Variants in PRDM16 observed in about 807,000 individuals in gnomAD.
PRDM16 encodes histone-lysine N-methyltransferase PRDM16.
In PRDM16, 23 loss-of-function variants were observed where a neutral mutation model predicts 110.6. The ratio of observed to expected loss-of-function variants is 0.21; its 90% CI spans 0.15 to 0.29. The LOEUF (loss-of-function observed/expected upper bound fraction) is 0.29. PRDM16 is among the 10% of genes least tolerant of loss of function. The pLI is 1.00. For synonymous variants in PRDM16, 799 were observed against 781.8 expected, an observed-to-expected ratio of 1.02 and a Z score of -0.37; for missense variants, 1,615 against 1,794.3, an observed-to-expected ratio of 0.90 and a Z score of 1.81.
At chr1:3,228,114 G>A (rs187500932) in intron 2 of PRDM16, among the ~76,000 whole-genome samples, 1 of 152,386 alleles carries the variant, frequency 6.6e-6, no homozygotes, top group African/African-American at 2.4e-5. Flanking sequence ...GATTGAGTGT[G>A]CGGGGGTCCT....
intron 1 of PRDM16, among the ~76,000 whole-genome samples, chr1:3,139,541 G>T (rs372298141): frequency 6.6e-6 from 1 of 152,268 alleles, no homozygotes; most frequent in Non-Finnish European, 1.5e-5. Context: ...TGCCGCATCC[G>T]GGGGTGCTCG....
At chr1:3,154,551 C>T (rs207198) in intron 1 of PRDM16, among the ~76,000 whole-genome samples, 2,153 of 152,312 alleles carry the variant, frequency 0.014, 50 homozygotes, top group African/African-American at 0.048. Context: ...ACCTCCTGCC[C>T]CCATGGCCCT....
Position 3,412,745 on chromosome 1 carries a change from C to A in PRDM16, c.2548C>A (p.Gln850Lys). ...PQVCPARMPQQPPLHYAKPSP... is the reference protein window; with the variant it reads ...PQVCPARMPQKPPLHYAKPSP... ...GGTGTGCCCGGCGCGGATGCCCCAG[C>A]AGCCCCCGCTCCACTACGCCAAGCC... The change falls in exon 9 of 17, where the codon CAG becomes AAG. Residue 850 changes from glutamine to lysine, a missense_variant. Transcript: ENST00000270722. 6.6e-7 allele frequency: 1 copy of A among 1,505,014 alleles called. No homozygotes were observed. 93.2% of individuals were successfully genotyped at this position (1,505,014 alleles called of 1,614,324 possible).
intron 2 of PRDM16, among the ~76,000 whole-genome samples, chr1:3,237,261 A>T (rs1237091938): frequency 1.3e-5 from 2 of 151,046 alleles, no homozygotes; most frequent in African/African-American, 2.4e-5. Flanking sequence ...CAGGCTTCCC[A>T]ACCCCAGGGC....
chr1:3,150,450 T>G (rs567194493), intron 1 of PRDM16, among the ~76,000 whole-genome samples: 18 of 150,618 alleles, frequency 1.2e-4, no homozygotes, highest in African/African-American at 4.2e-4. Flanking sequence ...TCCCAGCTAA[T>G]TGGGAGGTAA....
intron 2 of PRDM16, among the ~76,000 whole-genome samples, chr1:3,215,579 G>T (rs534209825): frequency 6.6e-6 from 1 of 152,118 alleles, no homozygotes; most frequent in East Asian, 1.9e-4. Context: ...TCCCTCCACC[G>T]AGCGGACCAA....
At chr1:3,141,026 A>G (rs138636419) in intron 1 of PRDM16, among the ~76,000 whole-genome samples, 9 of 152,218 alleles carry the variant, frequency 5.9e-5, no homozygotes, top group African/African-American at 2.2e-4. Context: ...TATCAACATC[A>G]CCAATGGCAA....
At chr1:3,355,602 G>A (rs761065451) in intron 3 of PRDM16, among the ~76,000 whole-genome samples, 44 of 152,150 alleles carry the variant, frequency 2.9e-4, no homozygotes, top group Non-Finnish European at 1.2e-4. Context: ...GGCAGCATCC[G>A]CTCGACGGTG....
At position 3,434,935 on chromosome 1, in the gene PRDM16, C is replaced by T. The variant is rs868264165; in HGVS notation, c.*1124C>T. On this transcript the variant is annotated 3_prime_UTR_variant, in exon 17 of 17. Coordinates refer to ENST00000270722, the MANE Select transcript of PRDM16 (RefSeq NM_022114.4). ...TGGCTGCCCTGGGGAGCAATCCCAG[C>T]GGATCGCTCCGGGCCACCAAGCCGC... The T allele has an allele frequency of 2.6e-5, 6 of 230,566 alleles. No individual in the cohort carries two copies. The highest frequency in any genetic ancestry group is 1.8e-4 in the South Asian group (1 of 5,498). 14.3% of individuals were successfully genotyped at this position (230,566 alleles called of 1,614,324 possible). A position where few individuals can be genotyped will look rare whatever the true frequency, so the allele number is the denominator to read the frequency against.
intron 3 of PRDM16, among the ~76,000 whole-genome samples, chr1:3,254,018 T>A (rs1452575744): frequency 6.6e-6 from 1 of 152,244 alleles, no homozygotes; most frequent in Admixed American, 6.5e-5. Flanking sequence ...TTTTGAGAAG[T>A]GTCTGTTCAT....
intron 1 of PRDM16, among the ~76,000 whole-genome samples, chr1:3,077,136 C>G (rs865875483): frequency 6.6e-6 from 1 of 152,228 alleles, no homozygotes; most frequent in Non-Finnish European, 1.5e-5. Context: ...TCCTTTCCCA[C>G]TTTAGAAGAA....
At chr1:3,238,646 C>T (rs968415447) in intron 2 of PRDM16, among the ~76,000 whole-genome samples, 4 of 152,220 alleles carry the variant, frequency 2.6e-5, no homozygotes, top group African/African-American at 7.2e-5. Context: ...ACGGTTCTTG[C>T]GGGAGCTGCC....
intron 3 of PRDM16, among the ~76,000 whole-genome samples, chr1:3,257,884 A>T (rs1640085259): frequency 6.6e-6 from 1 of 152,062 alleles, no homozygotes; most frequent in South Asian, 2.1e-4. Context: ...CAGTGGGAGG[A>T]GGTGAGTGAG....
At chr1:3,387,939 C>T (rs894778815) in intron 4 of PRDM16, among the ~76,000 whole-genome samples, 1 of 152,164 alleles carries the variant, frequency 6.6e-6, no homozygotes, top group Non-Finnish European at 1.5e-5. Context: ...GTTTAAATGC[C>T]CTCTCGCGCG....
At chr1:3,216,663 G>T (rs1235104972) in intron 2 of PRDM16, among the ~76,000 whole-genome samples, 1 of 152,242 alleles carries the variant, frequency 6.6e-6, no homozygotes, top group Non-Finnish European at 1.5e-5. Context: ...CCCAAACCTG[G>T]GGCAGGAGTC....
intron 3 of PRDM16, among the ~76,000 whole-genome samples, chr1:3,340,972 GCA>G (rs1293724595): frequency 6.6e-6 from 1 of 152,188 alleles, no homozygotes; most frequent in African/African-American, 2.4e-5. Flanking sequence ...TGACCCCAGC[GCA>G]CCTTCCCTCG....
In PRDM16 at chr1:3,245,928, C is replaced by T. The variant is rs975116120; in HGVS notation, c.438+1791C>T. Among the ~76,000 whole-genome samples the T allele has an allele frequency of 2.0e-4, 30 of 152,214 alleles. No homozygotes were observed. The highest frequency in any genetic ancestry group is 6.5e-4 in the African/African-American group (27 of 41,450). On this transcript the variant is annotated intron_variant, in intron 3 of 16. Transcript: ENST00000270722. The surrounding 1 kb of genome is among the most constrained non-coding windows in gnomAD (Gnocchi z 4.7). ...GACCGTCTGACATTTTCAAGACGCC[C>T]TCCTTGGCTGCGCCTCTCCTGAATG...
rs1323847947 is a variant in PRDM16 at position 3,143,571 on chromosome 1, G to A, written c.38-42554G>A. On this transcript the variant is annotated intron_variant, in intron 1 of 16. Transcript: ENST00000270722. The surrounding 1 kb of genome is among the most constrained non-coding windows in gnomAD (Gnocchi z 4.5). ...CCGCTCACTGCAGTCTCTGCCTCCCGGGTTCAAGGATTCTCCTGCCTCAGC... is the reference window on the plus strand; with the variant it reads ...CCGCTCACTGCAGTCTCTGCCTCCCAGGTTCAAGGATTCTCCTGCCTCAGC... Among the ~76,000 whole-genome samples, 7 of 152,204 alleles carry A rather than the reference G, an allele frequency of 4.6e-5. No individual in the cohort carries two copies. The highest frequency in any genetic ancestry group is 2.1e-4 in the South Asian group (1 of 4,824).
chr1:3,194,886 G>A (rs566688773), intron 2 of PRDM16, among the ~76,000 whole-genome samples: 22 of 152,282 alleles, frequency 1.4e-4, no homozygotes, highest in South Asian at 8.3e-4. Context: ...GAGTGGGCTC[G>A]GCCCCGGGAC....
Sources: gnomAD v4.1 joint callset for allele counts (sites outside exome capture counted in the v4.1 genomes callset) on GRCh38, gnomAD v4.1.1 for gene constraint, Gnocchi (gnomAD v3.1) non-coding constraint, MANE v1.5 for transcripts, NCBI Gene and HGNC (gene_info 2026-07-23, HGNC 2026-07-21) for gene names.